NLGN1: variants seen among roughly 807,000 people sequenced by gnomAD.
NLGN1 encodes the protein neuroligin 1, also known as neuroligin-1.
In NLGN1, 12 loss-of-function variants were observed where a neutral mutation model predicts 65.5. That is an observed-to-expected ratio of 0.18 (90% CI 0.12 to 0.30). The LOEUF is 0.30. Ranked by LOEUF, NLGN1 falls within the 10% of genes least tolerant of loss-of-function variation. The pLI, the probability that NLGN1 is intolerant of heterozygous loss-of-function variation, is 1.00. For synonymous variants in NLGN1, 350 were observed against 359.5 expected, an observed-to-expected ratio of 0.97 and a Z score of 0.30; for missense variants, 750 against 1,007.1, an observed-to-expected ratio of 0.74 and a Z score of 3.46.
rs139891170 is a variant in NLGN1 at position 173,883,313 on chromosome 3, G to A, written c.646+75481G>A. ...GCGAGAGATAAGGGAATGGCCAGTC[G>A]GTGGAACAGTCAGAACATACATAAC... On this transcript the variant is annotated intron_variant, in intron 4 of 6. Transcript: ENST00000457714. 6.0e-3 allele frequency among the ~76,000 whole-genome samples: 908 copies of A among 152,206 alleles called. 5 individuals are homozygous for A. Among genetic ancestry groups the A allele is most frequent in the African/African-American group, 0.021 (863 of 41,522 alleles).
chr3:174,048,109 C>G (rs1479317581), intron 4 of NLGN1, among the ~76,000 whole-genome samples: 1 of 152,082 alleles, frequency 6.6e-6, no homozygotes, highest in Non-Finnish European at 1.5e-5. Flanking sequence ...TGTTTTCTAT[C>G]TAACCTCAAA....
At chr3:174,271,074 T>TTGA (rs1469054617) in intron 4 of NLGN1, among the ~76,000 whole-genome samples, 1 of 151,778 alleles carries the variant, frequency 6.6e-6, no homozygotes, top group Non-Finnish European at 1.5e-5. Flanking sequence ...GGCAACAGCA[T>TTGA]TGATAAACAC....
At chr3:173,399,866 A>C (rs1717329931) in intron 1 of NLGN1, 1 of 152,244 alleles carries the variant, frequency 6.6e-6, no homozygotes, top group African/African-American at 2.4e-5. Context: ...TGCTATTGAC[A>C]ACTTTTTGTG....
intron 3 of NLGN1, among the ~76,000 whole-genome samples, chr3:173,678,851 G>A (rs771702619): frequency 1.3e-5 from 2 of 152,102 alleles, no homozygotes; most frequent in African/African-American, 2.4e-5. Flanking sequence ...CTAAGTAAGT[G>A]ATATAGAAAT....
intron 4 of NLGN1, among the ~76,000 whole-genome samples, chr3:174,157,458 A>G (rs1490082851): frequency 6.6e-6 from 1 of 151,854 alleles, no homozygotes; most frequent in East Asian, 1.9e-4. Context: ...AAATTCATCA[A>G]TGGGTTTAGA....
At chr3:173,703,874 C>T (rs965786441) in intron 3 of NLGN1, among the ~76,000 whole-genome samples, 4 of 152,130 alleles carry the variant, frequency 2.6e-5, no homozygotes, top group Admixed American at 6.6e-5. Flanking sequence ...ATGGCATGGT[C>T]TTTATTGCTC....
Position 173,822,072 on chromosome 3 carries a change from C to T in NLGN1, c.646+14240C>T, listed in dbSNP as rs151172987. Among the ~76,000 whole-genome samples, 458 of 152,216 alleles carry T rather than the reference C, an allele frequency of 3.0e-3. 3 individuals carry two copies. Among genetic ancestry groups the T allele is most frequent in the African/African-American group, 0.011 (440 of 41,548 alleles). On this transcript the variant is annotated intron_variant, in intron 4 of 6. Coordinates refer to ENST00000457714, the Ensembl canonical transcript of NLGN1. ...AAACATGACAAGTCTTCAGAGAAATCAAAGTTATTCTAGGCACTAAGCTCT... is the reference window on the plus strand; with the variant it reads ...AAACATGACAAGTCTTCAGAGAAATTAAAGTTATTCTAGGCACTAAGCTCT...
intron 4 of NLGN1, among the ~76,000 whole-genome samples, chr3:174,107,017 CAGAGAGAGAGAGAGAGAG>C (rs71162376): frequency 2.0e-5 from 2 of 97,688 alleles, no homozygotes; most frequent in South Asian, 4.2e-4. Context: ...CACACACACA[CAGAGAGAGAGAGAGAGAG>C]AGAGAGAGAG....
Position 174,157,416 on chromosome 3 carries a change from T to C in NLGN1, c.647-117899T>C, listed in dbSNP as rs558191765. 1.2e-3 allele frequency among the ~76,000 whole-genome samples: 179 copies of C among 151,966 alleles called. 1 individual carries two copies. Among genetic ancestry groups the C allele is most frequent in the Non-Finnish European group, 4.4e-4 (30 of 67,876 alleles). On this transcript the variant is annotated intron_variant, in intron 4 of 6. Coordinates refer to ENST00000457714, the Ensembl canonical transcript of NLGN1. ...CTTATTAATAAGTATTATAAGTCAC[T>C]ATTAAATATGATTGATGAAAGGTTT...
At chr3:174,105,721 A>AGATATCTATGTC (rs1713616068) in intron 4 of NLGN1, among the ~76,000 whole-genome samples, 1 of 151,956 alleles carries the variant, frequency 6.6e-6, no homozygotes, top group South Asian at 2.1e-4. Context: ...ATCTAGATAT[A>AGATATCTATGTC]TATATATCTT....
intron 3 of NLGN1, among the ~76,000 whole-genome samples, chr3:173,777,528 C>T (rs1304924802): frequency 6.6e-6 from 1 of 151,780 alleles, no homozygotes; most frequent in Non-Finnish European, 1.5e-5. Context: ...CATTCAAAAA[C>T]CTTTTAGCTA....
intron 4 of NLGN1, among the ~76,000 whole-genome samples, chr3:174,097,112 G>A (rs1745680016): frequency 6.6e-6 from 1 of 152,086 alleles, no homozygotes; most frequent in Admixed American, 6.6e-5. Context: ...GAGCGCCACT[G>A]TAGAAAGATG....
chr3:174,172,857 G>A (rs182166202), intron 4 of NLGN1, among the ~76,000 whole-genome samples: 1 of 152,182 alleles, frequency 6.6e-6, no homozygotes, highest in Admixed American at 6.6e-5. Flanking sequence ...TGTGAAGAAT[G>A]TCTTAGGTAT....
chr3:173,695,143 A>G (rs971037365), intron 3 of NLGN1, among the ~76,000 whole-genome samples: 2 of 152,154 alleles, frequency 1.3e-5, no homozygotes, highest in Non-Finnish European at 2.9e-5. Context: ...GCCTAAATAA[A>G]GTTGCTAATA....
chr3:174,033,020 ATCTATG>A (rs1365052269), intron 4 of NLGN1, among the ~76,000 whole-genome samples: 5 of 152,120 alleles, frequency 3.3e-5, no homozygotes, highest in African/African-American at 9.6e-5. Flanking sequence ...ATAGATCTAT[ATCTATG>A]TCTATATATA....
At chr3:173,559,728 G>GAA (rs1261034158) in intron 2 of NLGN1, among the ~76,000 whole-genome samples, 5 of 152,244 alleles carry the variant, frequency 3.3e-5, no homozygotes, top group Admixed American at 6.5e-5. Flanking sequence ...GAGATGTAAA[G>GAA]AAAAGTGTTA....
intron 4 of NLGN1, among the ~76,000 whole-genome samples, chr3:174,003,631 A>ATCTTT: frequency 6.6e-6 from 1 of 152,116 alleles, no homozygotes; most frequent in South Asian, 2.1e-4. Flanking sequence ...ATTTTTAAAA[A>ATCTTT]CTCTAACATA....
At chr3:173,466,553 G>A (rs888031506) in intron 2 of NLGN1, among the ~76,000 whole-genome samples, 1 of 152,080 alleles carries the variant, frequency 6.6e-6, no homozygotes, top group Admixed American at 6.6e-5. Flanking sequence ...TATGCTAGGT[G>A]TATTAACATG....
intron 2 of NLGN1, among the ~76,000 whole-genome samples, chr3:173,530,901 A>G (rs954472857): frequency 1.3e-5 from 2 of 152,048 alleles, no homozygotes; most frequent in Non-Finnish European, 2.9e-5. Context: ...ATTTTTTAAA[A>G]TGAGTTTTTA....
Sources: gnomAD v4.1 joint callset for allele counts (sites outside exome capture counted in the v4.1 genomes callset) on GRCh38, gnomAD v4.1.1 for gene constraint, MANE v1.5 for transcripts, NCBI Gene and HGNC (gene_info 2026-07-23, HGNC 2026-07-21) for gene names.